Variants in LAPTM4A observed in about 807,000 individuals in gnomAD.
LAPTM4A encodes the protein lysosomal protein transmembrane 4 alpha.
A neutral mutation model predicts 29.9 loss-of-function variants in LAPTM4A; 19 were observed. That is an observed-to-expected ratio of 0.64 (90% confidence interval 0.44 to 0.93). The LOEUF is 0.93. LAPTM4A is among the 40% of genes least tolerant of loss of function. The pLI, the probability that LAPTM4A is intolerant of heterozygous loss-of-function variation, is 0.00. For missense variants in LAPTM4A, 293 were observed against 288.5 expected (o/e 1.02, Z -0.11); for synonymous variants, 105 against 102.1 (o/e 1.03, Z -0.17).
chr2:20,036,468 T>C (rs1249305427), intron 4 of LAPTM4A, among the ~76,000 whole-genome samples: 1 of 152,238 alleles, frequency 6.6e-6, no homozygotes, highest in African/African-American at 2.4e-5. Context: ...ACTTCCTGAT[T>C]CCTTCACCAG....
chr2:20,034,174 A>G (rs1396146483), intron 6 of LAPTM4A, 143 bp downstream of exon 6: 1 of 680,822 alleles, frequency 1.5e-6, no homozygotes, highest in Non-Finnish European at 2.6e-6. Flanking sequence ...AATCCTGTGG[A>G]TTTTAAGCTG....
rs775053911 is a variant in LAPTM4A, at chr2:20,051,453, C to G, written c.68G>C (p.Cys23Ser). 4 of 1,613,302 alleles carry G rather than the reference C, an allele frequency of 2.5e-6. No individual in the cohort carries two copies. The South Asian group carries it at 3.3e-5, about 13-fold the overall frequency. The change falls in exon 1 of 7, where the codon TGC (cysteine) becomes TCC (serine). Residue 23 changes from cysteine (C) to serine (S), a missense_variant. Cys to Ser is a moderately radical substitution (Grantham distance 112). Coordinates refer to ENST00000175091, the MANE Select transcript of LAPTM4A (RefSeq NM_014713.5). ...GATGATCGTCCCGGTGCGGACATGG[C>G]AACAGCCGCAGCACCGGGTGCTGTA... ...RFYSTRCCGC[C>S]HVRTGTIILG...
At chr2:20,037,660 A>G (rs765608286) in intron 2 of LAPTM4A, 46 bp from the exon 3 acceptor site, 3 of 1,266,748 alleles carry the variant, frequency 2.4e-6, no homozygotes, top group Non-Finnish European at 3.3e-6. Flanking sequence ...TTACACAACA[A>G]AAAGAACAAA....
chr2:20,040,924 T>C lies in LAPTM4A; in HGVS notation c.199A>G (p.Ile67Val). The C allele has an allele frequency of 2.5e-6, 4 of 1,613,854 alleles. No individual in the cohort carries two copies. The highest frequency in any genetic ancestry group is 3.4e-6 in the Non-Finnish European group (4 of 1,179,720). Residue 67 changes from isoleucine (I) to valine (V), a missense_variant, in exon 2 of 7, where the codon ATC (isoleucine) becomes GTC (valine). Ile to Val is a conservative substitution (Grantham distance 29, BLOSUM62 3). Transcript: ENST00000175091. Reference sequence around the variant, plus strand: ...CTCTCAGACGAATAGTAATTACCGATGACTTCATACTGAATGTTGACAGCT... The same window carrying C: ...CTCTCAGACGAATAGTAATTACCGACGACTTCATACTGAATGTTGACAGCT... Reference protein sequence around the residue: ...MPAVNIQYEVIGNYYSSERMA... With the variant: ...MPAVNIQYEVVGNYYSSERMA...
At chr2:20,037,498 T>A (rs1385824362) in intron 3 of LAPTM4A, 40 bp downstream of exon 3, 2 of 1,602,168 alleles carry the variant, frequency 1.2e-6, no homozygotes, top group Admixed American at 3.5e-5. Flanking sequence ...TAAGCTCCCC[T>A]AAGGTCAAAC....
Position 20,051,621 on chromosome 2 carries a change from G to A in LAPTM4A, c.-101C>T. 2.7e-6 allele frequency: 2 copies of A among 754,500 alleles called. No individual in the cohort carries two copies. Among genetic ancestry groups the A allele is most frequent in the Non-Finnish European group, 4.4e-6 (2 of 453,994 alleles). The allele number at this position is 754,500 out of a possible 1,614,324, so 46.7% of individuals were successfully genotyped here. A position where few individuals can be genotyped will look rare whatever the true frequency, so the allele number is the denominator to read the frequency against. ...TTCACGGCCTCCAAAACCCAACGAC[G>A]CGTCTTCAAACCCGCCCCCGGCTCG... On this transcript the variant is annotated 5_prime_UTR_variant, in exon 1 of 7. Transcript: ENST00000175091.
In LAPTM4A at chr2:20,047,319, C is replaced by T. The variant is rs1438071635; in HGVS notation, c.111+4091G>A. Among the ~76,000 whole-genome samples the T allele has an allele frequency of 2.0e-5, 3 of 146,682 alleles. No homozygotes were observed. The East Asian group carries it at 6.3e-4, about 31-fold the overall frequency. On this transcript the variant is annotated intron_variant, in intron 1 of 6. Transcript: ENST00000175091. ...AGAGGAATCGCTTGAACCTGGGAGGCGGAGGTTGCAGTGAGCCGAGATCGC... is the reference window on the plus strand; with the variant it reads ...AGAGGAATCGCTTGAACCTGGGAGGTGGAGGTTGCAGTGAGCCGAGATCGC...
At position 20,037,447 on chromosome 2, in the gene LAPTM4A, A is replaced by C. The variant is rs778262587; in HGVS notation, c.310-9T>G. 1.2e-6 allele frequency: 2 copies of C among 1,606,362 alleles called. No individual in the cohort carries two copies. The highest frequency in any genetic ancestry group is 2.7e-5 in the African/African-American group (2 of 74,162). On this transcript the variant is annotated splice_polypyrimidine_tract_variant and intron_variant, in intron 3 of 6. Transcript: ENST00000175091. ...AGCCAACCCACTTGATACTGGAGAA[A>C]AAATAACAACCATAACATTGTATCA...
In LAPTM4A at chr2:20,034,321, G is replaced by A. The variant is rs563961467; in HGVS notation, c.623C>T (p.Pro208Leu). 3.4e-5 allele frequency: 54 copies of A among 1,609,000 alleles called. 1 individual carries two copies. In the South Asian group the frequency reaches 5.8e-4, roughly 17 times the overall value. The change falls in exon 6 of 7, where the codon CCT becomes CTT. Residue 208 changes from proline to leucine, a missense_variant. Transcript: ENST00000175091. ...CTCTATCCAACAGTAGCTAACCTGA[G>A]GAGGTGCTTCAAAGGCAGGGTACAC... ...IAVYPAFEAP[P>L]QYVLPTYEMA... is the part of the protein sequence containing the mutation.
At chr2:20,050,816 C>T (rs747855959) in intron 1 of LAPTM4A, among the ~76,000 whole-genome samples, 4 of 152,216 alleles carry the variant, frequency 2.6e-5, no homozygotes, top group Non-Finnish European at 5.9e-5. Flanking sequence ...AAAAGCTGGT[C>T]AGGCGTCAAC....
At chr2:20,034,058 C>T (rs966998194) in intron 6 of LAPTM4A, among the ~76,000 whole-genome samples, 4 of 152,192 alleles carry the variant, frequency 2.6e-5, no homozygotes, top group Admixed American at 1.3e-4. Flanking sequence ...CCTGTCATCT[C>T]CCCTACAAAC....
chr2:20,041,158 C>T, intron 1 of LAPTM4A, 147 bp from the exon 2 acceptor site: 2 of 595,234 alleles, frequency 3.4e-6, no homozygotes, highest in East Asian at 5.8e-5. Context: ...TGAGATAAAA[C>T]AATACGCAAT....
In LAPTM4A at chr2:20,035,187, A is replaced by C. The variant is rs1354508121; in HGVS notation, c.433-125T>G. 3.2e-5 allele frequency: 22 copies of C among 678,616 alleles called. No homozygotes were observed. In the East Asian group the frequency reaches 5.8e-4, roughly 18 times the overall value. 42.0% of individuals were successfully genotyped at this position (678,616 alleles called of 1,614,324 possible). On this transcript the variant is annotated intron_variant, in intron 4 of 6. Transcript: ENST00000175091. The stretch of plus-strand genomic sequence containing the variant: ...AAGTGATATTTAATAAAAATGTATA[A>C]GCAGAATTTAATTCAAAGTGCTTTT...
Position 20,051,446 on chromosome 2 carries a change from G to A in LAPTM4A, c.75C>T (p.Val25=). The A allele has an allele frequency of 6.2e-7, 1 of 1,613,408 alleles. No homozygotes were observed. The highest frequency in any genetic ancestry group is 8.5e-7 in the Non-Finnish European group (1 of 1,179,682). The change falls in exon 1 of 7, where the codon GTC becomes GTT. Residue 25 remains valine, a synonymous_variant. Transcript: ENST00000175091. The stretch of plus-strand genomic sequence containing the variant: ...TCCCCAGGATGATCGTCCCGGTGCG[G>A]ACATGGCAACAGCCGCAGCACCGGG... The part of the protein sequence containing the change: ...YSTRCCGCCH[V]RTGTIILGTW...
chr2:20,044,276 T>A (rs936337237), intron 1 of LAPTM4A, among the ~76,000 whole-genome samples: 2 of 152,234 alleles, frequency 1.3e-5, no homozygotes, highest in African/African-American at 4.8e-5. Flanking sequence ...AAACGTTATA[T>A]GTTCTGTGTA....
chr2:20,048,110 T>A (rs1401206010), intron 1 of LAPTM4A, among the ~76,000 whole-genome samples: 1 of 152,236 alleles, frequency 6.6e-6, no homozygotes, highest in Non-Finnish European at 1.5e-5. Context: ...ATTAGCCATA[T>A]ATTAAGTCTA....
rs1673699036 is a variant in LAPTM4A at position 20,037,356 on chromosome 2, A to C, written c.392T>G (p.Leu131Arg). 6.2e-7 allele frequency: 1 copy of C among 1,613,218 alleles called. No individual in the cohort carries two copies. Among genetic ancestry groups the C allele is most frequent in the Non-Finnish European group, 8.5e-7 (1 of 1,179,466 alleles). ...TTCTTTGATTCTTGGCAAATAGGTG[A>C]GAGAACTAATAGCAACCAGGCAACT... The part of the protein sequence containing the change: ...VLSCLVAISS[L>R]TYLPRIKEYL... Residue 131 changes from leucine to arginine, a missense_variant, in exon 4 of 7, where the codon CTC (leucine) becomes CGC (arginine). Transcript: ENST00000175091.
intron 2 of LAPTM4A, among the ~76,000 whole-genome samples, chr2:20,039,524 T>G (rs1165855103): frequency 6.7e-6 from 1 of 149,244 alleles, no homozygotes. Context: ...GAGGCTGAAG[T>G]GGGAGGGTCC....
At chr2:20,040,738 G>C (rs760556465) in intron 2 of LAPTM4A, among the ~76,000 whole-genome samples, 153 bp downstream of exon 2, 26 of 152,292 alleles carry the variant, frequency 1.7e-4, no homozygotes, top group African/African-American at 5.8e-4. Context: ...AGTAGGCTAC[G>C]CTATCTAGGT....
Sources: gnomAD v4.1 joint callset for allele counts (sites outside exome capture counted in the v4.1 genomes callset) on GRCh38, gnomAD v4.1.1 for gene constraint, MANE v1.5 for transcripts, NCBI Gene and HGNC (gene_info 2026-07-23, HGNC 2026-07-21) for gene names.